ADAM32: variants seen among roughly 807,000 people sequenced by gnomAD.
ADAM32 encodes the protein ADAM metallopeptidase domain 32.
ADAM32 carries 89 observed loss-of-function variants against 114.9 expected under a neutral mutation model. The ratio of observed to expected loss-of-function variants is 0.77; its 90% CI spans 0.65 to 0.92. ADAM32 has a LOEUF of 0.92. Among genes scored for constraint, ADAM32 ranks in the 40% least tolerant of loss-of-function variants. The pLI is 0.00. For synonymous variants in ADAM32, 285 were observed against 307.5 expected (o/e 0.93, Z 0.77); for missense variants, 870 against 932.8 (o/e 0.93, Z 0.88).
At chr8:39,134,937 C>T (rs1471678898) in intron 2 of ADAM32, among the ~76,000 whole-genome samples, 4 of 152,080 alleles carry the variant, frequency 2.6e-5, no homozygotes, top group Non-Finnish European at 5.9e-5. Flanking sequence ...GGGCGAGTCA[C>T]CTGAGGTTGG....
Position 39,220,278 on chromosome 8 carries a change from C to G in ADAM32, c.1234-1332C>G, listed in dbSNP as rs192206637. On this transcript the variant is annotated intron_variant, in intron 12 of 24. Coordinates refer to ENST00000379907, the MANE Select transcript of ADAM32 (RefSeq NM_145004.7). ...ATTGACTTCTGCTCTTTTTTGTTTTCCATTTGCATGATAGATCTTTCTGCA... is the reference window on the plus strand; with the variant it reads ...ATTGACTTCTGCTCTTTTTTGTTTTGCATTTGCATGATAGATCTTTCTGCA... Among the ~76,000 whole-genome samples the G allele has an allele frequency of 3.9e-3, 586 of 152,056 alleles. 2 individuals are homozygous for G. The highest frequency in any genetic ancestry group is 6.3e-3 in the Non-Finnish European group (429 of 67,908).
intron 3 of ADAM32, among the ~76,000 whole-genome samples, chr8:39,143,737 C>T (rs1177831661): frequency 2.0e-5 from 3 of 152,178 alleles, no homozygotes; most frequent in African/African-American, 7.2e-5. Context: ...AACTGCTGCT[C>T]TCTTCAGAGC....
intron 3 of ADAM32, among the ~76,000 whole-genome samples, chr8:39,142,715 T>A (rs1803242191): frequency 6.6e-6 from 1 of 152,118 alleles, no homozygotes; most frequent in South Asian, 2.1e-4. Flanking sequence ...ATCTTTGTGG[T>A]GTTCTTTGTA....
chr8:39,259,213 T>C (rs1443796974), intron 19 of ADAM32, among the ~76,000 whole-genome samples: 1 of 152,044 alleles, frequency 6.6e-6, no homozygotes, highest in Non-Finnish European at 1.5e-5. Context: ...TTTCTTTCTT[T>C]TTTGAGACGA....
At chr8:39,249,623 C>G (rs1178181841) in intron 17 of ADAM32, among the ~76,000 whole-genome samples, 1 of 152,020 alleles carries the variant, frequency 6.6e-6, no homozygotes, top group African/African-American at 2.4e-5. Context: ...ATAGTGAACC[C>G]ATCTCAGCAA....
intron 22 of ADAM32, among the ~76,000 whole-genome samples, chr8:39,277,703 G>A (rs974084902): frequency 6.6e-6 from 1 of 152,252 alleles, no homozygotes; most frequent in Non-Finnish European, 1.5e-5. Context: ...CACCACTCGG[G>A]AGGGAGCATG....
chr8:39,144,500 T>A (rs1261596356), intron 3 of ADAM32, among the ~76,000 whole-genome samples: 2 of 152,156 alleles, frequency 1.3e-5, no homozygotes, highest in Non-Finnish European at 2.9e-5. Flanking sequence ...TGGCTCCCTG[T>A]TGGAGATGCT....
At position 39,272,229 on chromosome 8, in the gene ADAM32, G is replaced by T. The variant is rs75268132; in HGVS notation, c.2201+1315G>T. ...CAGAACAATTAGGTCAATGTAATTA[G>T]CTCTCCTCAACCCATAATTATTGTA... On this transcript the variant is annotated intron_variant, in intron 20 of 24. Transcript: ENST00000379907. Among the ~76,000 whole-genome samples, 912 of 152,044 alleles carry T rather than the reference G, an allele frequency of 6.0e-3. 8 individuals are homozygous for T. Among genetic ancestry groups the T allele is most frequent in the African/African-American group, 0.021 (878 of 41,464 alleles).
At chr8:39,282,702 C>T (rs1000280550) in intron 23 of ADAM32, among the ~76,000 whole-genome samples, 4 of 151,848 alleles carry the variant, frequency 2.6e-5, no homozygotes, top group East Asian at 3.9e-4. Flanking sequence ...TTTTTGTTGC[C>T]GTTGGGAAGC....
chr8:39,202,510 TTC>T (rs1423063391), intron 11 of ADAM32, among the ~76,000 whole-genome samples: 4 of 152,212 alleles, frequency 2.6e-5, no homozygotes, highest in Non-Finnish European at 4.4e-5. Flanking sequence ...TATTTGATTC[TTC>T]TCTCTTTTCT....
chr8:39,159,624 C>T lies in ADAM32; in HGVS notation c.526-1273C>T, dbSNP rs1804361627. 2.6e-5 allele frequency among the ~76,000 whole-genome samples: 4 copies of T among 152,130 alleles called. No individual in the cohort carries two copies. The South Asian group carries it at 8.3e-4, about 32-fold the overall frequency. ...TTGCTGCTTTTCTTGTCCGTTTTTCCTTGCTCCAGGTGGCTGCAGCCAGTG... is the reference window on the plus strand; with the variant it reads ...TTGCTGCTTTTCTTGTCCGTTTTTCTTTGCTCCAGGTGGCTGCAGCCAGTG... On this transcript the variant is annotated intron_variant, in intron 6 of 24. Coordinates refer to ENST00000379907, the MANE Select transcript of ADAM32 (RefSeq NM_145004.7).
intron 18 of ADAM32, among the ~76,000 whole-genome samples, chr8:39,256,040 A>C (rs1468465622): frequency 6.6e-6 from 1 of 151,826 alleles, no homozygotes; most frequent in African/African-American, 2.4e-5. Context: ...GGCTGTACGT[A>C]CTTGGCTTTA....
intron 7 of ADAM32, among the ~76,000 whole-genome samples, chr8:39,162,572 T>C (rs1030777332): frequency 2.0e-5 from 3 of 152,140 alleles, no homozygotes; most frequent in South Asian, 2.1e-4. Context: ...TCTTTTACAC[T>C]GTTGTGGGAC....
chr8:39,136,891 A>G (rs890397347), intron 3 of ADAM32, among the ~76,000 whole-genome samples, 173 bp downstream of exon 3: 2 of 152,228 alleles, frequency 1.3e-5, no homozygotes, highest in Non-Finnish European at 2.9e-5. Flanking sequence ...TGTCTCAAGT[A>G]TTCTTTGGTA....
rs59118660 is a variant in ADAM32, at chr8:39,107,752, C to T, written c.-24C>T. On this transcript the variant is annotated 5_prime_UTR_variant, in exon 1 of 25. Coordinates refer to ENST00000379907, the MANE Select transcript of ADAM32 (RefSeq NM_145004.7). ...AATTCCCGACTTCCCAACGGCTTCC[C>T]GCTGGCAGCCCCGAAGCCGCACCAT... 650,004 of 1,549,658 alleles carry T rather than the reference C, an allele frequency of 0.42. 139,726 individuals are homozygous for T. Among genetic ancestry groups the T allele is most frequent in the East Asian group, 0.68 (27,529 of 40,776 alleles).
chr8:39,206,404 G>A (rs539862339), intron 11 of ADAM32, among the ~76,000 whole-genome samples: 6 of 152,300 alleles, frequency 3.9e-5, no homozygotes, highest in Admixed American at 3.9e-4. Context: ...TTGGTAGACT[G>A]GGCCTGTTCT....
chr8:39,137,786 G>C (rs912010318), intron 3 of ADAM32, among the ~76,000 whole-genome samples: 36 of 135,974 alleles, frequency 2.6e-4, no homozygotes, highest in African/African-American at 8.9e-4. Context: ...AAAAAAAAAA[G>C]GTGTAAACAA....
Position 39,227,156 on chromosome 8 carries a change from A to G in ADAM32, c.1525+3918A>G, listed in dbSNP as rs1323725711. On this transcript the variant is annotated intron_variant, in intron 14 of 24. Coordinates refer to ENST00000379907, the MANE Select transcript of ADAM32 (RefSeq NM_145004.7). ...AAAGGAAGTGGACTGCTCCTGCAGG[A>G]CCTGGGAGATACCCCAAATACCATG... is the stretch of plus-strand genomic sequence containing the variant. Among the ~76,000 whole-genome samples the G allele has an allele frequency of 3.9e-5, 6 of 152,258 alleles. No homozygotes were observed. In the East Asian group the frequency reaches 9.7e-4, roughly 25 times the overall value.
intron 17 of ADAM32, among the ~76,000 whole-genome samples, chr8:39,253,846 C>T (rs1811461525): frequency 6.6e-6 from 1 of 151,490 alleles, no homozygotes; most frequent in Non-Finnish European, 1.5e-5. Context: ...AAATTATCTA[C>T]AGATTCCATG....
Sources: allele counts gnomAD v4.1 joint callset (sites outside exome capture counted in the v4.1 genomes callset), GRCh38; gene constraint gnomAD v4.1.1; transcripts MANE v1.5; gene names NCBI Gene and HGNC (gene_info 2026-07-23, HGNC 2026-07-21).